Variants in ZNF30 observed in about 807,000 individuals in gnomAD.
ZNF30 encodes the protein zinc finger protein 30 (KOX 28).
A neutral mutation model predicts 13.2 loss-of-function variants in ZNF30; 15 were observed. That is an observed-to-expected ratio of 1.13 (90% CI 0.76 to 1.75). The LOEUF (loss-of-function observed/expected upper bound fraction) is 1.75, where lower values mean the gene tolerates loss of function less well. Among genes scored for constraint, ZNF30 ranks in the 40% most tolerant of loss-of-function variants. The pLI, the probability that ZNF30 is intolerant of heterozygous loss-of-function variation, is 0.00. For synonymous variants in ZNF30, 223 were observed against 256.6 expected (o/e 0.87, Z 1.25); for missense variants, 726 against 757.0 (o/e 0.96, Z 0.48).
intron 1 of ZNF30, among the ~76,000 whole-genome samples, chr19:34,929,009 G>A (rs539490552): frequency 2.6e-5 from 4 of 152,118 alleles, no homozygotes; most frequent in Non-Finnish European, 4.4e-5. Flanking sequence ...TCGGCTGCGC[G>A]CGGTGGCTCA....
At chr19:34,942,661 A>G (rs1178908788) in intron 4 of ZNF30, 2 of 1,288,690 alleles carry the variant, frequency 1.6e-6, no homozygotes, top group Admixed American at 2.3e-5. Context: ...CCACCTGCAC[A>G]TGGAACCAAA....
At chr19:34,933,988 C>T (rs1253848751) in intron 4 of ZNF30, among the ~76,000 whole-genome samples, 1 of 152,072 alleles carries the variant, frequency 6.6e-6, no homozygotes, top group African/African-American at 2.4e-5. Flanking sequence ...TGCATTATTC[C>T]ATCTGTGTAT....
At chr19:34,928,252 T>TAGATAGATAG (rs1555778330) in intron 1 of ZNF30, among the ~76,000 whole-genome samples, 27 of 56,550 alleles carry the variant, frequency 4.8e-4, no homozygotes, top group African/African-American at 1.3e-3. Flanking sequence ...TATATATATA[T>TAGATAGATAG]ATAGATAGAT....
At chr19:34,936,422 A>G (rs2012743795) in intron 4 of ZNF30, among the ~76,000 whole-genome samples, 2 of 152,204 alleles carry the variant, frequency 1.3e-5, no homozygotes, top group Non-Finnish European at 2.9e-5. Context: ...GAGCAGCCGA[A>G]TGGTGGTACG....
At chr19:34,927,912 G>A (rs2012164592) in intron 1 of ZNF30, among the ~76,000 whole-genome samples, 1 of 152,118 alleles carries the variant, frequency 6.6e-6, no homozygotes, top group African/African-American at 2.4e-5. Flanking sequence ...TAAGTAAAAA[G>A]TGGAAACAGG....
intron 1 of ZNF30, among the ~76,000 whole-genome samples, chr19:34,928,246 TATATATATAG>T (rs1365628019): frequency 1.1e-3 from 58 of 54,008 alleles, no homozygotes; most frequent in East Asian, 5.2e-3. Context: ...TATATATATA[TATATATATAG>T]ATAGATAGAT....
At position 34,931,901 on chromosome 19, in the gene ZNF30, T is replaced by C. The variant is rs759874560; in HGVS notation, c.68T>C (p.Phe23Ser). ...ACATTTGAGGATGTGGCCATAGCCTTCTCCCAGCAGGAGTGGGAGAGTCTG... is the reference window on the plus strand; with the variant it reads ...ACATTTGAGGATGTGGCCATAGCCTCCTCCCAGCAGGAGTGGGAGAGTCTG... ...SVTFEDVAIA[F>S]SQQEWESLDS... Residue 23 changes from phenylalanine to serine, a missense_variant, in exon 3 of 5, where the codon TTC becomes TCC. Coordinates refer to ENST00000601142, the MANE Select transcript of ZNF30 (RefSeq NM_194325.3). 22 of 1,613,602 alleles carry C rather than the reference T, an allele frequency of 1.4e-5. No homozygotes were observed. The highest frequency in any genetic ancestry group is 1.8e-5 in the Non-Finnish European group (21 of 1,179,824).
rs766205156 is a variant in ZNF30 at position 34,943,831 on chromosome 19, G to A, written c.865G>A (p.Glu289Lys). 1.6e-5 allele frequency: 26 copies of A among 1,613,030 alleles called. No individual in the cohort carries two copies. The highest frequency in any genetic ancestry group is 9.4e-5 in the African/African-American group (7 of 74,562). The change falls in exon 5 of 5, where the codon GAA becomes AAA. Residue 289 changes from glutamate to lysine, a missense_variant. Physicochemically the swap from Glu to Lys is moderately conservative, Grantham distance 56. Transcript: ENST00000601142. ...QRIHTSEKPY[E>K]CKECGKAFST... ...AATTCATACCAGTGAAAAACCTTAC[G>A]AATGCAAAGAATGTGGGAAGGCCTT...
intron 1 of ZNF30, among the ~76,000 whole-genome samples, chr19:34,928,568 C>T (rs1430678028): frequency 6.6e-6 from 1 of 152,122 alleles, no homozygotes; most frequent in Non-Finnish European, 1.5e-5. Context: ...TGCGGTGGCT[C>T]ACGCCTGTAA....
intron 3 of ZNF30, 41 bp from the exon 4 acceptor site, chr19:34,933,586 CT>C: frequency 1.4e-6 from 2 of 1,432,758 alleles, no homozygotes; most frequent in Non-Finnish European, 1.9e-6. Flanking sequence ...TATTTTTGAA[CT>C]CATATTTTAT....
At chr19:34,941,223 G>A (rs1433518510) in intron 4 of ZNF30, among the ~76,000 whole-genome samples, 1 of 152,126 alleles carries the variant, frequency 6.6e-6, no homozygotes, top group African/African-American at 2.4e-5. Context: ...CTTGGAGGTA[G>A]AAGGAAACAG....
intron 1 of ZNF30, among the ~76,000 whole-genome samples, chr19:34,928,248 TATATATAGATAGATAG>T (rs2012223107): frequency 7.5e-5 from 4 of 53,042 alleles, no homozygotes; most frequent in South Asian, 6.9e-4. Context: ...TATATATATA[TATATATAGATAGATAG>T]ATAGATAGAT....
Position 34,931,897 on chromosome 19 carries a change from G to A in ZNF30, c.64G>A (p.Ala22Thr). 6.2e-7 allele frequency: 1 copy of A among 1,613,608 alleles called. No homozygotes were observed. Among genetic ancestry groups the A allele is most frequent in the Non-Finnish European group, 8.5e-7 (1 of 1,179,802 alleles). ...AGTGACATTTGAGGATGTGGCCATA[G>A]CCTTCTCCCAGCAGGAGTGGGAGAG... ...GSVTFEDVAIAFSQQEWESLD... is the reference protein window; with the variant it reads ...GSVTFEDVAITFSQQEWESLD... Residue 22 changes from alanine (A) to threonine (T), a missense_variant, in exon 3 of 5, where the codon GCC becomes ACC. Transcript: ENST00000601142.
intron 4 of ZNF30, among the ~76,000 whole-genome samples, chr19:34,940,718 A>C (rs1333832648): frequency 1.3e-5 from 2 of 152,012 alleles, no homozygotes; most frequent in African/African-American, 4.8e-5. Context: ...ATTATTTGAC[A>C]AGAAAATGGT....
chr19:34,927,187 T>G lies in ZNF30; in HGVS notation c.-94T>G, dbSNP rs2012118352. ...CAGCACCGGGAGCTCTGCAGACCTG[T>G]GTCGGCGCGGAACCCGGACTGAGAC... On this transcript the variant is annotated 5_prime_UTR_variant, in exon 1 of 5. Transcript: ENST00000601142. 2.6e-6 allele frequency: 1 copy of G among 387,098 alleles called. No individual in the cohort carries two copies. The allele number at this position is 387,098 out of a possible 1,614,324, so 24.0% of individuals were successfully genotyped here. A position where few individuals can be genotyped will look rare whatever the true frequency, so the allele number is the denominator to read the frequency against.
intron 2 of ZNF30, among the ~76,000 whole-genome samples, chr19:34,930,917 A>G (rs2012413278): frequency 6.6e-6 from 1 of 152,142 alleles, no homozygotes; most frequent in South Asian, 2.1e-4. Flanking sequence ...ATCTTGTATG[A>G]CACTATCAGC....
intron 2 of ZNF30, among the ~76,000 whole-genome samples, chr19:34,930,875 A>T (rs763378891): frequency 3.9e-5 from 6 of 152,116 alleles, no homozygotes; most frequent in Non-Finnish European, 7.4e-5. Flanking sequence ...AAAAAAATTT[A>T]AAAAAACAGC....
At chr19:34,934,660 CAG>C (rs1211052034) in intron 4 of ZNF30, among the ~76,000 whole-genome samples, 3 of 152,066 alleles carry the variant, frequency 2.0e-5, no homozygotes, top group African/African-American at 4.8e-5. Context: ...AAATAGGAAA[CAG>C]ATACCAGAAA....
chr19:34,928,218 AAAAT>A (rs1355174943), intron 1 of ZNF30, among the ~76,000 whole-genome samples: 7 of 62,012 alleles, frequency 1.1e-4, no homozygotes, highest in African/African-American at 4.0e-4. Context: ...TAAAAAAAAA[AAAAT>A]ATATATATAT....
Sources: allele counts gnomAD v4.1 joint callset (sites outside exome capture counted in the v4.1 genomes callset), GRCh38; gene constraint gnomAD v4.1.1; transcripts MANE v1.5; gene names NCBI Gene and HGNC (gene_info 2026-07-23, HGNC 2026-07-21).